SLC26A5: variants seen among roughly 807,000 people sequenced by gnomAD.
SLC26A5 encodes the protein prestin.
SLC26A5 carries 51 observed loss-of-function variants against 81.0 expected under a neutral mutation model. The observed-to-expected ratio is 0.63, with a 90% CI of 0.50 to 0.80. The LOEUF (loss-of-function observed/expected upper bound fraction) is 0.80, where lower values mean the gene tolerates loss of function less well. SLC26A5 is among the 30% of genes least tolerant of loss of function. The pLI, the probability that SLC26A5 is intolerant of heterozygous loss-of-function variation, is 0.00. For synonymous variants in SLC26A5, 325 were observed against 332.8 expected (o/e 0.98, Z 0.25); for missense variants, 771 against 905.8 (o/e 0.85, Z 1.91).
At chr7:103,440,682 T>C (rs1338716422) in intron 2 of SLC26A5, among the ~76,000 whole-genome samples, 1 of 152,174 alleles carries the variant, frequency 6.6e-6, no homozygotes, top group East Asian at 1.9e-4. Flanking sequence ...TCCTAGAATT[T>C]TGTTTTGTTT....
Position 103,377,791 on chromosome 7 carries a change from T to G in SLC26A5, c.1794A>C (p.Glu598Asp), listed in dbSNP as rs1284790860. Residue 598 changes from glutamate to aspartate, a missense_variant, in exon 18 of 20, where the codon GAA (glutamate) becomes GAC (aspartate). Coordinates refer to ENST00000306312, the MANE Select transcript of SLC26A5 (RefSeq NM_198999.3). ...GCTTGGTAGCATCCTCTCCATCTAC[T>G]TCTGCATCCTGTGTCAAAAATTAAA... ...ANATVVKADA[E>D]VDGEDATKPE... The G allele has an allele frequency of 1.9e-6, 3 of 1,613,808 alleles. No individual in the cohort carries two copies. In the Admixed American group the frequency reaches 5.0e-5, roughly 27 times the overall value.
intron 19 of SLC26A5, 100 bp downstream of exon 19, chr7:103,376,708 T>C: frequency 1.1e-6 from 1 of 911,540 alleles, no homozygotes; most frequent in African/African-American, 1.7e-5. Context: ...TTCATTTTTA[T>C]AAAATAATTA....
At chr7:103,407,047 G>T (rs1310571656) in intron 8 of SLC26A5, among the ~76,000 whole-genome samples, 1 of 152,180 alleles carries the variant, frequency 6.6e-6, no homozygotes, top group East Asian at 1.9e-4. Flanking sequence ...GATATTAAAA[G>T]GTCCCCAGTG....
chr7:103,377,886 T>C, intron 17 of SLC26A5, 87 bp from the exon 18 acceptor site: 3 of 1,317,682 alleles, frequency 2.3e-6, no homozygotes. Context: ...AAATCTGCTC[T>C]TGTGTTCTTA....
chr7:103,382,498 C>G (rs975465491), intron 14 of SLC26A5, among the ~76,000 whole-genome samples: 14 of 151,712 alleles, frequency 9.2e-5, no homozygotes, highest in Non-Finnish European at 1.8e-4. Flanking sequence ...TACAGTTGTG[C>G]GCCACCATGC....
At chr7:103,362,704 T>C (rs1332354024) in intron 19 of SLC26A5, 1 of 1,603,412 alleles carries the variant, frequency 6.2e-7, no homozygotes, top group Non-Finnish European at 8.5e-7. Context: ...GAAATAAATA[T>C]CAAATTCACA....
chr7:103,406,423 G>C (rs931016878), intron 8 of SLC26A5, among the ~76,000 whole-genome samples: 1 of 152,124 alleles, frequency 6.6e-6, no homozygotes, highest in Non-Finnish European at 1.5e-5. Flanking sequence ...AGCTTCCCTT[G>C]GCTAAGGGAG....
intron 19 of SLC26A5, among the ~76,000 whole-genome samples, chr7:103,354,173 A>T (rs1442813613): frequency 6.6e-6 from 1 of 152,212 alleles, no homozygotes; most frequent in East Asian, 1.9e-4. Context: ...TTTATAGAAT[A>T]GATCAAAGTA....
At chr7:103,391,977 C>A (rs746193776) in intron 10 of SLC26A5, among the ~76,000 whole-genome samples, 8 of 152,154 alleles carry the variant, frequency 5.3e-5, no homozygotes, top group Non-Finnish European at 1.0e-4. Context: ...GCTCAGCCTC[C>A]TTTCCAAACA....
chr7:103,401,159 G>A (rs1044162768), intron 8 of SLC26A5, among the ~76,000 whole-genome samples: 4 of 152,140 alleles, frequency 2.6e-5, no homozygotes, highest in South Asian at 2.1e-4. Context: ...ATTACTTTGG[G>A]CAGTATGACC....
intron 2 of SLC26A5, among the ~76,000 whole-genome samples, chr7:103,430,321 C>T (rs527360410): frequency 4.6e-5 from 7 of 152,254 alleles, no homozygotes; most frequent in South Asian, 2.1e-4. Context: ...TCAGGTGAGC[C>T]GCCCGCCTCG....
At chr7:103,419,461 A>C (rs1825168100) in intron 4 of SLC26A5, among the ~76,000 whole-genome samples, 1 of 149,180 alleles carries the variant, frequency 6.7e-6, no homozygotes, top group Non-Finnish European at 1.5e-5. Context: ...CACACATGCT[A>C]TTCCTTCTGC....
At position 103,367,844 on chromosome 7, in the gene SLC26A5, T is replaced by C. The variant is rs191056314; in HGVS notation, c.2041+8964A>G. Reference sequence around the variant, plus strand: ...AAGTTCTTGCTTATATTTGCTGGTCTGTCTGCTCAGGCTGCTTTAATTAAG... The same window carrying C: ...AAGTTCTTGCTTATATTTGCTGGTCCGTCTGCTCAGGCTGCTTTAATTAAG... On this transcript the variant is annotated intron_variant, in intron 19 of 19. Coordinates refer to the SLC26A5 transcript ENST00000339444. This position sits in a 1 kb window ranked among gnomAD's most constrained non-coding sequence, Gnocchi z 6.1. 239 of 1,612,664 alleles carry C rather than the reference T, an allele frequency of 1.5e-4. No individual in the cohort carries two copies. In the African/African-American group the frequency reaches 2.9e-3, roughly 19 times the overall value.
At chr7:103,418,506 C>T (rs1825096659) in intron 4 of SLC26A5, among the ~76,000 whole-genome samples, 1 of 152,150 alleles carries the variant, frequency 6.6e-6, no homozygotes, top group Admixed American at 6.5e-5. Context: ...TCACCCTGCC[C>T]TTGCCCCTGC....
chr7:103,442,148 TA>T (rs11284923), intron 2 of SLC26A5, among the ~76,000 whole-genome samples: 58,722 of 151,614 alleles, frequency 0.39, 15,408 homozygotes, highest in African/African-American at 0.74. Flanking sequence ...CTTTTTTTTT[TA>T]ATTTTCTTTG....
At chr7:103,414,839 C>T (rs908040138) in intron 4 of SLC26A5, among the ~76,000 whole-genome samples, 6 of 152,282 alleles carry the variant, frequency 3.9e-5, no homozygotes, top group South Asian at 4.1e-4. Flanking sequence ...CTGTTCAGCA[C>T]GCTGAGCAGC....
chr7:103,420,453 G>A (rs534546790), intron 4 of SLC26A5, among the ~76,000 whole-genome samples: 54 of 151,884 alleles, frequency 3.6e-4, no homozygotes, highest in African/African-American at 1.3e-3. Context: ...GCCCAGCTAT[G>A]TTTTTTGTTT....
At chr7:103,392,430 A>G (rs568255907) in intron 10 of SLC26A5, among the ~76,000 whole-genome samples, 2 of 152,340 alleles carry the variant, frequency 1.3e-5, no homozygotes, top group African/African-American at 4.8e-5. Flanking sequence ...CCCTGGAAAA[A>G]CATTTAATCC....
chr7:103,377,592 T>C lies in SLC26A5; in HGVS notation c.1986+7A>G. The C allele has an allele frequency of 6.2e-7, 1 of 1,613,720 alleles. No individual in the cohort carries two copies. The highest frequency in any genetic ancestry group is 8.5e-7 in the Non-Finnish European group (1 of 1,179,676). ...GTATTAAATGACTCGTTCAAGAGGATGCTTACCCCTGCCAGAGTTTTCACT... is the reference window on the plus strand; with the variant it reads ...GTATTAAATGACTCGTTCAAGAGGACGCTTACCCCTGCCAGAGTTTTCACT... On this transcript the variant is annotated splice_region_variant and intron_variant, in intron 18 of 19. Transcript: ENST00000306312.
Sources: gnomAD v4.1 joint callset for allele counts (sites outside exome capture counted in the v4.1 genomes callset) on GRCh38, gnomAD v4.1.1 for gene constraint, Gnocchi (gnomAD v3.1) non-coding constraint, MANE v1.5 for transcripts, NCBI Gene and HGNC (gene_info 2026-07-23, HGNC 2026-07-21) for gene names.